The following SPIDR variants were observed in gnomAD, a reference collection of about 807,000 sequenced individuals.
SPIDR encodes DNA repair-scaffolding protein.
A neutral mutation model predicts 104.6 loss-of-function variants in SPIDR; 93 were observed. That is an observed-to-expected ratio of 0.89 (90% CI 0.75 to 1.06). SPIDR has a LOEUF of 1.06. Among genes scored for constraint, SPIDR ranks in the 50% least tolerant of loss-of-function variants. The pLI, the probability that SPIDR is intolerant of heterozygous loss-of-function variation, is 0.00. For synonymous variants in SPIDR, 431 were observed against 416.9 expected (o/e 1.03, Z -0.41); for missense variants, 1,154 against 1,111.2 (o/e 1.04, Z -0.55).
At chr8:47,359,732 A>T (rs1358073095) in intron 5 of SPIDR, among the ~76,000 whole-genome samples, 1 of 152,132 alleles carries the variant, frequency 6.6e-6, no homozygotes, top group South Asian at 2.1e-4. Flanking sequence ...TCTGTGTGTT[A>T]TGATTGTTTT....
At chr8:47,626,528 A>C (rs184563998) in intron 10 of SPIDR, among the ~76,000 whole-genome samples, 1,575 of 152,340 alleles carry the variant, frequency 0.01, 17 homozygotes, top group Non-Finnish European at 0.017. Flanking sequence ...CAATGAACTC[A>C]AACAAATTTA....
At chr8:47,440,264 C>A in intron 7 of SPIDR, 59 bp from the exon 8 acceptor site, 1 of 1,462,804 alleles carries the variant, frequency 6.8e-7, no homozygotes, top group Non-Finnish European at 9.5e-7. Flanking sequence ...ACTTTATTCA[C>A]GCTTGAACCA....
intron 16 of SPIDR, among the ~76,000 whole-genome samples, chr8:47,719,869 C>A (rs1192677545): frequency 2.0e-5 from 3 of 152,216 alleles, no homozygotes; most frequent in Admixed American, 6.5e-5. Flanking sequence ...CATGCCCCCC[C>A]ACACCCAGGG....
At chr8:47,511,531 G>T in intron 8 of SPIDR, 1 of 782,020 alleles carries the variant, frequency 1.3e-6, no homozygotes, top group South Asian at 1.3e-5. Flanking sequence ...CTGGGCATCG[G>T]ATGGGTCTCA....
In SPIDR at chr8:47,279,894, C is replaced by T. The variant is rs993775887; in HGVS notation, c.66C>T (p.Ser22=). 5.0e-6 allele frequency: 8 copies of T among 1,613,612 alleles called. No individual in the cohort carries two copies. Among genetic ancestry groups the T allele is most frequent in the Non-Finnish European group, 6.8e-6 (8 of 1,179,818 alleles). ...GGAGTTGGAATACAGAATGCCCATC[C>T]TTTCCAGGAGAAAGACCACTGCAGG... ...RKRSWNTECP[S]FPGERPLQVR... is the part of the protein sequence containing the mutation. Residue 22 remains serine (S), a synonymous_variant, in exon 2 of 20, where the codon TCC becomes TCT. Coordinates refer to ENST00000297423, the MANE Select transcript of SPIDR (RefSeq NM_001080394.4).
At chr8:47,383,273 T>G (rs1554646515) in intron 5 of SPIDR, among the ~76,000 whole-genome samples, 1 of 152,200 alleles carries the variant, frequency 6.6e-6, no homozygotes, top group Non-Finnish European at 1.5e-5. Flanking sequence ...CCCTAATATT[T>G]TATCTGTTTC....
chr8:47,610,214 G>A lies in SPIDR; in HGVS notation c.1544+11018G>A, dbSNP rs1437875625. Among the ~76,000 whole-genome samples the A allele has an allele frequency of 5.9e-5, 9 of 151,938 alleles. No individual in the cohort carries two copies. The East Asian group carries it at 9.7e-4, about 16-fold the overall frequency. ...GAACAGTCTCCCTACTCTTCCCACC[G>A]TACCCCCACCCCATTCCTGCAGCTG... On this transcript the variant is annotated intron_variant, in intron 10 of 19. Coordinates refer to ENST00000297423, the MANE Select transcript of SPIDR (RefSeq NM_001080394.4).
At chr8:47,696,131 G>A (rs1002261563) in intron 11 of SPIDR, among the ~76,000 whole-genome samples, 2 of 152,190 alleles carry the variant, frequency 1.3e-5, no homozygotes, top group Non-Finnish European at 2.9e-5. Flanking sequence ...CTTGTCGCAC[G>A]ATGGGAAACC....
At position 47,280,101 on chromosome 8, in the gene SPIDR, A is replaced by G. The variant is rs2037413920; in HGVS notation, c.189+84A>G. ...GAACATTGTAATTACATTTCATTGT[A>G]ATTCCCTTTCTTATTCTTTCAGAAC... On this transcript the variant is annotated intron_variant, in intron 2 of 19. Transcript: ENST00000297423. The G allele has an allele frequency of 3.6e-6, 5 of 1,386,154 alleles. No individual in the cohort carries two copies. In the South Asian group the frequency reaches 7.1e-5, roughly 20 times the overall value. The allele number at this position is 1,386,154 out of a possible 1,614,324, so 85.9% of individuals were successfully genotyped here.
intron 8 of SPIDR, among the ~76,000 whole-genome samples, chr8:47,521,896 GCT>G (rs908667161): frequency 6.6e-6 from 1 of 151,798 alleles, no homozygotes; most frequent in Non-Finnish European, 1.5e-5. Flanking sequence ...AGGCACGATG[GCT>G]TATGCCTATA....
At chr8:47,564,451 G>C (rs1304303091) in intron 8 of SPIDR, among the ~76,000 whole-genome samples, 2 of 152,096 alleles carry the variant, frequency 1.3e-5, no homozygotes, top group Non-Finnish European at 2.9e-5. Flanking sequence ...AGGCCAAAGC[G>C]GGTGGATCAC....
intron 8 of SPIDR, among the ~76,000 whole-genome samples, chr8:47,452,607 A>G (rs1244366020): frequency 6.6e-6 from 1 of 152,232 alleles, no homozygotes; most frequent in South Asian, 2.1e-4. Context: ...ACCAAAGACA[A>G]AAACCACATC....
chr8:47,713,751 A>G, intron 16 of SPIDR, 110 bp downstream of exon 16: 1 of 1,397,202 alleles, frequency 7.2e-7, no homozygotes, highest in East Asian at 2.4e-5. Flanking sequence ...GCTAAGTTCC[A>G]GACACTGGAT....
intron 10 of SPIDR, among the ~76,000 whole-genome samples, chr8:47,640,168 G>C (rs1339208213): frequency 6.6e-6 from 1 of 152,162 alleles, no homozygotes; most frequent in African/African-American, 2.4e-5. Flanking sequence ...CCCCATTCCT[G>C]CCATTTAATG....
chr8:47,444,699 T>C (rs1273729192), intron 8 of SPIDR, among the ~76,000 whole-genome samples: 1 of 152,214 alleles, frequency 6.6e-6, no homozygotes, highest in Non-Finnish European at 1.5e-5. Flanking sequence ...GTAGAAATTA[T>C]TGGTCATAGA....
intron 5 of SPIDR, among the ~76,000 whole-genome samples, chr8:47,304,882 A>G (rs1469742488): frequency 6.6e-6 from 1 of 152,196 alleles, no homozygotes; most frequent in African/African-American, 2.4e-5. Context: ...GAATAGATTA[A>G]TATCATTATC....
chr8:47,727,380 A>G, intron 17 of SPIDR, 87 bp downstream of exon 17: 1 of 1,242,554 alleles, frequency 8.0e-7, no homozygotes. Flanking sequence ...TTGCTACCTC[A>G]GGTGACTCCC....
chr8:47,512,319 C>T (rs1346418825), intron 8 of SPIDR, among the ~76,000 whole-genome samples: 1 of 152,122 alleles, frequency 6.6e-6, no homozygotes, highest in Non-Finnish European at 1.5e-5. Context: ...TCGTCTCACC[C>T]TGTCTACACA....
In SPIDR at chr8:47,261,004, G is replaced by C. The variant is rs961010982; in HGVS notation, c.33+13G>C. The C allele has an allele frequency of 1.0e-4, 125 of 1,227,900 alleles. No homozygotes were observed. The highest frequency in any genetic ancestry group is 1.2e-4 in the Non-Finnish European group (122 of 985,354). 76.1% of individuals were successfully genotyped at this position (1,227,900 alleles called of 1,614,324 possible). On this transcript the variant is annotated intron_variant, in intron 1 of 19. Transcript: ENST00000297423. The stretch of plus-strand genomic sequence containing the variant: ...TCGGGGCTCTAAGGTAGGCTCTGGG[G>C]CGGGAGTGGGCGCCGCGCCGTTTCC...
Sources: gnomAD v4.1 joint callset for allele counts (sites outside exome capture counted in the v4.1 genomes callset) on GRCh38, gnomAD v4.1.1 for gene constraint, MANE v1.5 for transcripts, NCBI Gene and HGNC (gene_info 2026-07-23, HGNC 2026-07-21) for gene names.